Variants in PTPN3 observed in about 807,000 individuals in gnomAD.
PTPN3 encodes protein tyrosine phosphatase non-receptor type 3.
PTPN3 carries 96 observed loss-of-function variants against 132.7 expected under a neutral mutation model. The observed-to-expected ratio is 0.72, with a 90% confidence interval of 0.61 to 0.86. The LOEUF (loss-of-function observed/expected upper bound fraction) is 0.86, where lower values mean the gene tolerates loss of function less well. PTPN3 is among the 40% of genes least tolerant of loss of function. The pLI is 0.00. For missense variants in PTPN3, 1,125 were observed against 1,159.6 expected (o/e 0.97, Z 0.43); for synonymous variants, 398 against 429.0 (o/e 0.93, Z 0.89).
intron 7 of PTPN3, among the ~76,000 whole-genome samples, chr9:109,442,324 A>C (rs1844540531): frequency 1.3e-5 from 2 of 152,242 alleles, no homozygotes; most frequent in South Asian, 4.1e-4. Context: ...CTGAGAATAC[A>C]GGCGTGAACC....
At chr9:109,390,009 A>G (rs989424660) in intron 21 of PTPN3, among the ~76,000 whole-genome samples, 1 of 152,182 alleles carries the variant, frequency 6.6e-6, no homozygotes, top group Non-Finnish European at 1.5e-5. Flanking sequence ...TTGGGCTGGC[A>G]CTGGGATTCA....
At chr9:109,422,663 A>G (rs1842960724) in intron 13 of PTPN3, 55 bp downstream of exon 13, 3 of 1,493,862 alleles carry the variant, frequency 2.0e-6, no homozygotes, top group South Asian at 2.5e-5. Flanking sequence ...TATTTTTAAA[A>G]GAGATAAAGT....
intron 12 of PTPN3, 81 bp from the exon 13 acceptor site, chr9:109,422,933 C>T (rs912873715): frequency 4.0e-6 from 6 of 1,514,778 alleles, no homozygotes; most frequent in African/African-American, 1.4e-5. Flanking sequence ...ACAGTCTACA[C>T]ATGCTTCTTG....
chr9:109,495,503 A>C (rs1312245016), intron 1 of PTPN3, among the ~76,000 whole-genome samples: 1 of 152,126 alleles, frequency 6.6e-6, no homozygotes, highest in Non-Finnish European at 1.5e-5. Context: ...AGAAGGTCAA[A>C]ATTGGTCCCT....
intron 5 of PTPN3, among the ~76,000 whole-genome samples, chr9:109,452,490 A>G (rs1282208286): frequency 6.6e-6 from 1 of 151,990 alleles, no homozygotes; most frequent in Non-Finnish European, 1.5e-5. Flanking sequence ...CACACATTAT[A>G]TATAATATAT....
intron 1 of PTPN3, among the ~76,000 whole-genome samples, chr9:109,497,836 C>T (rs1380432707): frequency 1.3e-5 from 2 of 151,848 alleles, no homozygotes; most frequent in Non-Finnish European, 2.9e-5. Flanking sequence ...CCCCTCGGAG[C>T]CCCGAGCCGG....
chr9:109,499,815 C>T (rs1234343331), upstream of PTPN3, among the ~76,000 whole-genome samples: 1 of 152,202 alleles, frequency 6.6e-6, no homozygotes, highest in Non-Finnish European at 1.5e-5. Context: ...GGATTTCCGA[C>T]GGAGCCCGGA....
chr9:109,448,286 T>A (rs1844995216), intron 6 of PTPN3, among the ~76,000 whole-genome samples: 2 of 152,190 alleles, frequency 1.3e-5, no homozygotes, highest in Admixed American at 1.3e-4. Flanking sequence ...CCAGTTTACC[T>A]GCTGCAGTTT....
the PTPN3 span, among the ~76,000 whole-genome samples, chr9:109,512,730 T>G: frequency 1.3e-5 from 2 of 152,244 alleles, no homozygotes; most frequent in Non-Finnish European, 2.9e-5. Context: ...AGGAGGTACC[T>G]TGTTCCTCCT....
chr9:109,409,991 C>A lies in PTPN3; in HGVS notation c.1578+8G>T. The A allele has an allele frequency of 6.2e-7, 1 of 1,613,874 alleles. No homozygotes were observed. Among genetic ancestry groups the A allele is most frequent in the Admixed American group, 1.7e-5 (1 of 60,000 alleles). On this transcript the variant is annotated splice_region_variant and intron_variant, in intron 16 of 25. Transcript: ENST00000374541. ...GCACAAAACTTCCTTTATAAATACA[C>A]AACATACCTTAAGATTAAATCCAAA... is the stretch of plus-strand genomic sequence containing the variant.
chr9:109,408,796 A>AAAATAT (rs1377996219), intron 16 of PTPN3, among the ~76,000 whole-genome samples: 54 of 108,358 alleles, frequency 5.0e-4, no homozygotes, highest in Non-Finnish European at 8.1e-4. Context: ...AAAAAAAAAA[A>AAAATAT]ATATATATAT....
chr9:109,491,955 C>G (rs1338167733), intron 1 of PTPN3, among the ~76,000 whole-genome samples: 1 of 152,216 alleles, frequency 6.6e-6, no homozygotes, highest in Non-Finnish European at 1.5e-5. Context: ...AGAGAATCCA[C>G]TGGAAGCAGG....
intron 1 of PTPN3, among the ~76,000 whole-genome samples, chr9:109,487,426 G>A (rs547270229): frequency 1.1e-4 from 17 of 152,316 alleles, no homozygotes; most frequent in Non-Finnish European, 1.6e-4. Context: ...AGTCCCTGGC[G>A]TCCGAATGAG....
At chr9:109,442,859 C>T (rs1287773700) in intron 7 of PTPN3, among the ~76,000 whole-genome samples, 2 of 152,072 alleles carry the variant, frequency 1.3e-5, no homozygotes, top group East Asian at 1.9e-4. Flanking sequence ...AAAGGCAAGA[C>T]CTAGGTATAT....
the PTPN3 span, among the ~76,000 whole-genome samples, chr9:109,537,723 A>G: frequency 3.3e-5 from 5 of 152,304 alleles, no homozygotes; most frequent in South Asian, 8.3e-4. Context: ...CTGACACTTG[A>G]CTTCCTTTGG....
intron 1 of PTPN3, among the ~76,000 whole-genome samples, chr9:109,473,861 T>TA (rs1054535727): frequency 6.6e-6 from 1 of 152,058 alleles, no homozygotes; most frequent in African/African-American, 2.4e-5. Context: ...TCTCCTGACT[T>TA]ACAACGCCAT....
intron 1 of PTPN3, among the ~76,000 whole-genome samples, chr9:109,488,410 T>G (rs551148906): frequency 1.3e-4 from 20 of 152,154 alleles, no homozygotes; most frequent in Non-Finnish European, 2.4e-4. Context: ...GAAAGTACAT[T>G]TTTAAGCAGT....
chr9:109,427,137 A>G lies in PTPN3; in HGVS notation c.829-15T>C, dbSNP rs368567700. On this transcript the variant is annotated splice_polypyrimidine_tract_variant and intron_variant, in intron 11 of 25. Transcript: ENST00000374541. ...CTGGATTCAGCCTGGGAGGAAAAACAGTCAAGATTTCACCCACACAGACAT... is the reference window on the plus strand; with the variant it reads ...CTGGATTCAGCCTGGGAGGAAAAACGGTCAAGATTTCACCCACACAGACAT... 1.2e-5 allele frequency: 19 copies of G among 1,613,106 alleles called. No homozygotes were observed. The highest frequency in any genetic ancestry group is 1.6e-5 in the Non-Finnish European group (19 of 1,179,494).
intron 5 of PTPN3, chr9:109,449,241 C>A (rs1373965909): frequency 9.7e-7 from 1 of 1,032,854 alleles, no homozygotes; most frequent in African/African-American, 1.7e-5. Flanking sequence ...CGCCCACACA[C>A]TGGCAGGGCC....
Sources: gnomAD v4.1 joint callset for allele counts (sites outside exome capture counted in the v4.1 genomes callset) on GRCh38, gnomAD v4.1.1 for gene constraint, MANE v1.5 for transcripts, NCBI Gene and HGNC (gene_info 2026-07-23, HGNC 2026-07-21) for gene names.